Variants in MYSM1 observed in about 807,000 individuals in gnomAD.
The protein encoded by MYSM1 is Myb like, SWIRM and MPN domains 1.
A neutral mutation model predicts 116.0 loss-of-function variants in MYSM1; 51 were observed. That is an observed-to-expected ratio of 0.44 (90% CI 0.35 to 0.56). MYSM1 has a LOEUF of 0.56. Ranked by LOEUF, MYSM1 falls within the 20% of genes least tolerant of loss-of-function variation. MYSM1 has a pLI of 0.00. For missense variants in MYSM1, 900 were observed against 974.9 expected, an observed-to-expected ratio of 0.92 and a Z score of 1.02; for synonymous variants, 313 against 315.2, an observed-to-expected ratio of 0.99 and a Z score of 0.07.
rs1644366319 is a variant in MYSM1 at position 58,659,853 on chromosome 1, T to C, written c.*144A>G. ...AAATTTGTATCTCTTCCTTTTCACA[T>C]GATTTATGTGGCAAAGTTTGGATTT... On this transcript the variant is annotated 3_prime_UTR_variant, in exon 20 of 20. Coordinates refer to ENST00000472487, the MANE Select transcript of MYSM1 (RefSeq NM_001085487.3). The C allele has an allele frequency of 1.7e-6, 1 of 578,808 alleles. No individual in the cohort carries two copies. The highest frequency in any genetic ancestry group is 2.9e-6 in the Non-Finnish European group (1 of 346,678). 35.9% of individuals were successfully genotyped at this position (578,808 alleles called of 1,614,324 possible). A position where few individuals can be genotyped will look rare whatever the true frequency, so the allele number is the denominator to read the frequency against.
rs1184314416 is a variant in MYSM1, at chr1:58,665,558, G to A, written c.2105C>T (p.Pro702Leu). ...AACCAGGCAGGTAATCTGAGAATAT[G>A]GTAAGGGATTATTTCGATTATAGGG... The part of the protein sequence containing the change: ...VSPYNRNNPL[P>L]YSQITCLVIS... Residue 702 changes from proline (P) to leucine (L), a missense_variant, in exon 17 of 20, where the codon CCA (proline) becomes CTA (leucine). Physicochemically the swap from Pro to Leu is moderately conservative, Grantham distance 98. This residue lies in a region of MYSM1 where 186 missense variants were observed against 196.2 expected (regional missense o/e 0.95). Coordinates refer to ENST00000472487, the MANE Select transcript of MYSM1 (RefSeq NM_001085487.3). 1.3e-6 allele frequency: 2 copies of A among 1,599,470 alleles called. No homozygotes were observed. Among genetic ancestry groups the A allele is most frequent in the East Asian group, 2.2e-5 (1 of 44,722 alleles).
intron 6 of MYSM1, among the ~76,000 whole-genome samples, chr1:58,687,663 C>G (rs912331244): frequency 1.3e-5 from 2 of 152,132 alleles, no homozygotes; most frequent in African/African-American, 4.8e-5. Context: ...AAGAAATATC[C>G]CTATCCTATC....
chr1:58,683,807 A>G (rs1644783773), intron 7 of MYSM1, among the ~76,000 whole-genome samples: 1 of 152,116 alleles, frequency 6.6e-6, no homozygotes, highest in Non-Finnish European at 1.5e-5. Flanking sequence ...TGCCTGAAAC[A>G]GCTTTTAACA....
At chr1:58,690,084 C>T in intron 5 of MYSM1, 142 bp downstream of exon 5, 1 of 652,436 alleles carries the variant, frequency 1.5e-6, no homozygotes, top group Non-Finnish European at 2.5e-6. Flanking sequence ...GCCACTCCAA[C>T]ATCTTTATTA....
Position 58,671,853 on chromosome 1 carries a change from T to G in MYSM1, c.1661+17A>C. On this transcript the variant is annotated intron_variant, in intron 12 of 19. Transcript: ENST00000472487. ...TTGTGATAAATGTTTAAAAACCACA[T>G]TTATATAACACTACACCTTTTTGTT... The G allele has an allele frequency of 1.3e-6, 2 of 1,591,132 alleles. No individual in the cohort carries two copies. Among genetic ancestry groups the G allele is most frequent in the Non-Finnish European group, 1.7e-6 (2 of 1,167,418 alleles).
chr1:58,685,317 T>A (rs1644812042), intron 6 of MYSM1, 66 bp from the exon 7 acceptor site: 1 of 969,342 alleles, frequency 1.0e-6, no homozygotes, highest in Non-Finnish European at 1.5e-6. Context: ...TCCAAGCCAC[T>A]ACCACATTAA....
intron 8 of MYSM1, among the ~76,000 whole-genome samples, chr1:58,680,853 G>A (rs911906179): frequency 3.4e-5 from 5 of 148,606 alleles, no homozygotes; most frequent in African/African-American, 7.5e-5. Flanking sequence ...ATGAAGTCTC[G>A]CTCTGTCGCC....
At position 58,659,939 on chromosome 1, in the gene MYSM1, A is replaced by T; in HGVS notation, c.*58T>A. 8.5e-7 allele frequency: 1 copy of T among 1,171,674 alleles called. No homozygotes were observed. Among genetic ancestry groups the T allele is most frequent in the East Asian group, 2.7e-5 (1 of 36,638 alleles). The allele number at this position is 1,171,674 out of a possible 1,614,324, so 72.6% of individuals were successfully genotyped here. A position where few individuals can be genotyped will look rare whatever the true frequency, so the allele number is the denominator to read the frequency against. On this transcript the variant is annotated 3_prime_UTR_variant, in exon 20 of 20. Coordinates refer to ENST00000472487, the MANE Select transcript of MYSM1 (RefSeq NM_001085487.3). Reference sequence around the variant, plus strand: ...TGTTAACTACAATCACTTCAAGTTTATAACTTTGAAAGTAAGATCTACTGT... The same window carrying T: ...TGTTAACTACAATCACTTCAAGTTTTTAACTTTGAAAGTAAGATCTACTGT...
Position 58,682,158 on chromosome 1 carries a change from G to C in MYSM1, c.886C>G (p.Leu296Val). 1 of 1,612,996 alleles carries C rather than the reference G, an allele frequency of 6.2e-7. No individual in the cohort carries two copies. The change falls in exon 8 of 20, where the codon CTG (leucine) becomes GTG (valine). Residue 296 changes from leucine (L) to valine (V), a missense_variant. Around this residue, in one of 3 missense-constraint regions of MYSM1, gnomAD observed 622 missense variants for 623.7 expected, o/e 1.00. Transcript: ENST00000472487. The stretch of plus-strand genomic sequence containing the variant: ...CCATTGCTCTGTTTCTCAGTCCACA[G>C]TGTAATTTCTGAGCTTGAAAGTGTT... ...DETLSSSEIT[L>V]WTEKQSNGDK... is the part of the protein sequence containing the mutation.
Position 58,658,486 on chromosome 1 carries a change from G to C in MYSM1, c.*1511C>G, listed in dbSNP as rs1435557093. On this transcript the variant is annotated 3_prime_UTR_variant, in exon 20 of 20. Transcript: ENST00000472487. The stretch of plus-strand genomic sequence containing the variant: ...AGACTTCAGTTACACAAGAATTAAG[G>C]CTCAGGGAAAGTAAACTGTATCTCC... 1.3e-5 allele frequency: 2 copies of C among 152,086 alleles called. No homozygotes were observed. Among genetic ancestry groups the C allele is most frequent in the African/African-American group, 2.4e-5 (1 of 41,420 alleles). 9.4% of individuals were successfully genotyped at this position (152,086 alleles called of 1,614,324 possible). A position where few individuals can be genotyped will look rare whatever the true frequency, so the allele number is the denominator to read the frequency against.
At chr1:58,665,885 C>T (rs1440036231) in intron 16 of MYSM1, among the ~76,000 whole-genome samples, 3 of 152,074 alleles carry the variant, frequency 2.0e-5, no homozygotes, top group East Asian at 3.9e-4. Flanking sequence ...GGTGAAACCC[C>T]GTCTCTACCA....
chr1:58,670,514 TAAGTAA>T (rs1418874999), intron 12 of MYSM1, among the ~76,000 whole-genome samples: 1 of 152,200 alleles, frequency 6.6e-6, no homozygotes, highest in Non-Finnish European at 1.5e-5. Context: ...AAGAGGTGAC[TAAGTAA>T]AATAATGAGT....
In MYSM1 at chr1:58,671,852, A is replaced by G; in HGVS notation, c.1661+18T>C. ...TTTGTGATAAATGTTTAAAAACCACATTTATATAACACTACACCTTTTTGT... is the reference window on the plus strand; with the variant it reads ...TTTGTGATAAATGTTTAAAAACCACGTTTATATAACACTACACCTTTTTGT... On this transcript the variant is annotated intron_variant, in intron 12 of 19. Transcript: ENST00000472487. 6.3e-7 allele frequency: 1 copy of G among 1,589,642 alleles called. No homozygotes were observed. The highest frequency in any genetic ancestry group is 2.2e-5 in the East Asian group (1 of 44,556).
chr1:58,659,736 G>T lies in MYSM1; in HGVS notation c.*261C>A. ...ACAGTAAAGCCGACCAGGTTGCTTAGTTTCACAGCCTACAGCATTGCTCAG... is the reference window on the plus strand; with the variant it reads ...ACAGTAAAGCCGACCAGGTTGCTTATTTTCACAGCCTACAGCATTGCTCAG... On this transcript the variant is annotated 3_prime_UTR_variant, in exon 20 of 20. Transcript: ENST00000472487. 4.0e-6 allele frequency: 1 copy of T among 251,398 alleles called. No homozygotes were observed. The allele number at this position is 251,398 out of a possible 1,614,324, so 15.6% of individuals were successfully genotyped here.
chr1:58,685,840 C>A (rs913950293), intron 6 of MYSM1, among the ~76,000 whole-genome samples: 4 of 152,172 alleles, frequency 2.6e-5, no homozygotes, highest in Non-Finnish European at 5.9e-5. Flanking sequence ...TCTAACTACC[C>A]GTTTCATTAC....
At chr1:58,673,515 C>A (rs879129168) in intron 11 of MYSM1, 58 bp downstream of exon 11, 1 of 1,326,924 alleles carries the variant, frequency 7.5e-7, no homozygotes, top group Non-Finnish European at 1.1e-6. Flanking sequence ...TTAAGATGTA[C>A]AAATATATAT....
At chr1:58,681,263 T>C (rs1303797595) in intron 8 of MYSM1, among the ~76,000 whole-genome samples, 1 of 152,206 alleles carries the variant, frequency 6.6e-6, no homozygotes, top group Non-Finnish European at 1.5e-5. Context: ...ACTGACAATC[T>C]AGAGAATAAG....
chr1:58,667,547 A>G (rs1644492621), intron 15 of MYSM1, among the ~76,000 whole-genome samples: 1 of 152,148 alleles, frequency 6.6e-6, no homozygotes, highest in African/African-American at 2.4e-5. Context: ...GATGCATACA[A>G]ACTTTCAACT....
chr1:58,688,290 A>G (rs1035744541), intron 6 of MYSM1, among the ~76,000 whole-genome samples: 3 of 150,670 alleles, frequency 2.0e-5, no homozygotes, highest in African/African-American at 7.4e-5. Context: ...TAGCATACAT[A>G]AATTTTATAT....
Sources: allele counts gnomAD v4.1 joint callset (sites outside exome capture counted in the v4.1 genomes callset), GRCh38; gene constraint gnomAD v4.1.1; regional missense constraint gnomAD v4.1.1; transcripts MANE v1.5; gene names NCBI Gene and HGNC (gene_info 2026-07-23, HGNC 2026-07-21).